Variants in B3GALT1 observed in about 807,000 individuals in gnomAD.
B3GALT1 encodes UDP-Gal:betaGlcNAc beta 1,3-galactosyltransferase, polypeptide 1.
Under a neutral mutation model 23.2 loss-of-function variants are expected in B3GALT1, and 10 were observed. The observed-to-expected ratio is 0.43, with a 90% CI of 0.27 to 0.73. The LOEUF (loss-of-function observed/expected upper bound fraction) is 0.73. Ranked by LOEUF, B3GALT1 falls within the 30% of genes least tolerant of loss-of-function variation. The pLI, the probability that B3GALT1 is intolerant of heterozygous loss-of-function variation, is 0.21. For synonymous variants in B3GALT1, 156 were observed against 141.5 expected, an observed-to-expected ratio of 1.10 and a Z score of -0.73; for missense variants, 299 against 405.4, an observed-to-expected ratio of 0.74 and a Z score of 2.25.
Position 167,444,596 on chromosome 2 carries a change from A to T in B3GALT1, c.-510-45581A>T, listed in dbSNP as rs530433489. 1.2e-4 allele frequency among the ~76,000 whole-genome samples: 18 copies of T among 152,166 alleles called. No individual in the cohort carries two copies. In the South Asian group the frequency reaches 3.7e-3, roughly 32 times the overall value. On this transcript the variant is annotated intron_variant, in intron 1 of 4. Coordinates refer to ENST00000392690, the MANE Select transcript of B3GALT1 (RefSeq NM_020981.4). ...CAACTTCTTCCTTTTTAGTCTTGGG[A>T]GGGTGCATGTGTCCAGGAATTTATG...
At chr2:167,825,381 G>A (rs1689195335) in intron 4 of B3GALT1, among the ~76,000 whole-genome samples, 1 of 150,262 alleles carries the variant, frequency 6.7e-6, no homozygotes, top group Non-Finnish European at 1.5e-5. Context: ...GTTAGCAAAG[G>A]AGACAATGTT....
intron 3 of B3GALT1, among the ~76,000 whole-genome samples, chr2:167,691,020 C>G (rs1686703091): frequency 6.6e-6 from 1 of 151,946 alleles, no homozygotes; most frequent in Non-Finnish European, 1.5e-5. Flanking sequence ...ACAAAAATAT[C>G]AGTATTTTAA....
intron 3 of B3GALT1, among the ~76,000 whole-genome samples, chr2:167,787,781 C>T (rs973274646): frequency 6.6e-6 from 1 of 152,130 alleles, no homozygotes; most frequent in Admixed American, 6.5e-5. Flanking sequence ...CAGCCTTAAC[C>T]CAAAGGTCAG....
chr2:167,776,639 C>G (rs914088303), intron 3 of B3GALT1, among the ~76,000 whole-genome samples: 1 of 152,200 alleles, frequency 6.6e-6, no homozygotes, highest in African/African-American at 2.4e-5. Flanking sequence ...ATCTGACACA[C>G]TGTTTGGCAA....
chr2:167,549,902 A>G (rs1416655901), intron 2 of B3GALT1, among the ~76,000 whole-genome samples: 1 of 152,168 alleles, frequency 6.6e-6, no homozygotes, highest in African/African-American at 2.4e-5. Context: ...ATATTCTTTT[A>G]TACTCTTACT....
chr2:167,293,618 A>G (rs1290757370), intron 1 of B3GALT1, among the ~76,000 whole-genome samples: 2 of 152,070 alleles, frequency 1.3e-5, no homozygotes, highest in African/African-American at 4.8e-5. Context: ...CAGCGAGAAC[A>G]GTGGGTCCCC....
chr2:167,693,330 C>CA (rs1686743975), intron 3 of B3GALT1, among the ~76,000 whole-genome samples: 1 of 151,986 alleles, frequency 6.6e-6, no homozygotes, highest in Admixed American at 6.6e-5. Context: ...GGCAGTCTCT[C>CA]AAAATAGCCT....
chr2:167,304,708 C>A (rs1696522745), intron 1 of B3GALT1, among the ~76,000 whole-genome samples: 1 of 151,730 alleles, frequency 6.6e-6, no homozygotes, highest in African/African-American at 2.4e-5. Context: ...AGAATTGGCT[C>A]AGGAGAGACA....
At chr2:167,709,324 C>G (rs1213446045) in intron 3 of B3GALT1, among the ~76,000 whole-genome samples, 3 of 152,156 alleles carry the variant, frequency 2.0e-5, no homozygotes, top group Non-Finnish European at 2.9e-5. Context: ...CCAGATAATA[C>G]CTTCTGAGCA....
At chr2:167,510,352 A>G (rs1375904493) in intron 2 of B3GALT1, among the ~76,000 whole-genome samples, 2 of 149,890 alleles carry the variant, frequency 1.3e-5, no homozygotes, top group Non-Finnish European at 3.0e-5. Flanking sequence ...TAATTACATA[A>G]TTTATGTGAT....
intron 3 of B3GALT1, among the ~76,000 whole-genome samples, chr2:167,729,036 C>A (rs1316411154): frequency 1.3e-5 from 2 of 152,066 alleles, no homozygotes; most frequent in African/African-American, 4.8e-5. Context: ...GTCATGATCA[C>A]CTTACACATA....
At chr2:167,851,991 T>C (rs1689911882) in intron 4 of B3GALT1, among the ~76,000 whole-genome samples, 1 of 152,202 alleles carries the variant, frequency 6.6e-6, no homozygotes. Context: ...AAACAGCCTA[T>C]GTAAAGAATT....
chr2:167,658,698 G>A (rs1686000695), intron 3 of B3GALT1, among the ~76,000 whole-genome samples: 2 of 152,038 alleles, frequency 1.3e-5, no homozygotes, highest in Admixed American at 1.3e-4. Context: ...GTTCATCATA[G>A]GAAGATGGGG....
intron 1 of B3GALT1, among the ~76,000 whole-genome samples, chr2:167,475,478 T>G (rs1699473679): frequency 6.6e-6 from 1 of 152,172 alleles, no homozygotes; most frequent in Non-Finnish European, 1.5e-5. Context: ...GAAATTTTTT[T>G]TTTTGCTAAA....
chr2:167,307,148 CA>C, intron 1 of B3GALT1, among the ~76,000 whole-genome samples: 1 of 151,646 alleles, frequency 6.6e-6, no homozygotes, highest in Non-Finnish European at 1.5e-5. Flanking sequence ...GGTATATGTT[CA>C]AAAAAAGAGC....
In B3GALT1 at chr2:167,303,682, C is replaced by CACACAG. The variant is rs535369991; in HGVS notation, c.-511+10349_-511+10350insCACAGA. ...ACACACACACACACACACACACACA[C>CACACAG]AGAGAGAGACCTTGTTGCTGCCATT... On this transcript the variant is annotated intron_variant, in intron 1 of 4. Coordinates refer to ENST00000392690, the MANE Select transcript of B3GALT1 (RefSeq NM_020981.4). Among the ~76,000 whole-genome samples, 50 of 148,832 alleles carry CACACAG rather than the reference C, an allele frequency of 3.4e-4. 1 individual carries two copies. The highest frequency in any genetic ancestry group is 1.1e-3 in the African/African-American group (44 of 40,076).
chr2:167,491,287 G>A (rs1255266831), intron 2 of B3GALT1, among the ~76,000 whole-genome samples: 1 of 152,104 alleles, frequency 6.6e-6, no homozygotes. Context: ...ACACTCTGTG[G>A]TATTTCTTCT....
chr2:167,473,743 T>C (rs1441697330), intron 1 of B3GALT1, among the ~76,000 whole-genome samples: 1 of 152,096 alleles, frequency 6.6e-6, no homozygotes, highest in Non-Finnish European at 1.5e-5. Flanking sequence ...TTGGGGTTAA[T>C]TTAGGAGGAC....
intron 1 of B3GALT1, among the ~76,000 whole-genome samples, chr2:167,447,047 A>T (rs1182873469): frequency 3.3e-5 from 5 of 152,126 alleles, no homozygotes; most frequent in African/African-American, 9.7e-5. Flanking sequence ...TGTGTTGTGG[A>T]TGTCCTTTCT....
Sources: allele counts gnomAD v4.1 joint callset (sites outside exome capture counted in the v4.1 genomes callset), GRCh38; gene constraint gnomAD v4.1.1; transcripts MANE v1.5; gene names NCBI Gene and HGNC (gene_info 2026-07-23, HGNC 2026-07-21).